The following CTNNA2 variants were observed in gnomAD, a reference collection of about 807,000 sequenced individuals.
CTNNA2 encodes catenin alpha 2, also known as catenin alpha-2.
In CTNNA2, 42 loss-of-function variants were observed where a neutral mutation model predicts 101.0. That is an observed-to-expected ratio of 0.42 (90% CI 0.32 to 0.54). The LOEUF (loss-of-function observed/expected upper bound fraction) is 0.54, where lower values mean the gene tolerates loss of function less well. Among genes scored for constraint, CTNNA2 ranks in the 20% least tolerant of loss-of-function variants. The pLI is 0.14. For synonymous variants in CTNNA2, 450 were observed against 456.4 expected (o/e 0.99, Z 0.18); for missense variants, 871 against 1,223.1 (o/e 0.71, Z 4.29).
intron 1 of CTNNA2, among the ~76,000 whole-genome samples, chr2:79,193,995 A>T (rs1338462565): frequency 1.3e-5 from 2 of 152,152 alleles, no homozygotes; most frequent in African/African-American, 4.8e-5. Flanking sequence ...ATATTTTGCT[A>T]TTTTTATATG....
chr2:79,185,824 G>C (rs1673770285), intron 1 of CTNNA2, among the ~76,000 whole-genome samples: 1 of 152,076 alleles, frequency 6.6e-6, no homozygotes, highest in Non-Finnish European at 1.5e-5. Flanking sequence ...TCTGATTTGG[G>C]AACAGGGGAA....
intron 7 of CTNNA2, among the ~76,000 whole-genome samples, chr2:80,155,783 G>A (rs954474508): frequency 4.6e-5 from 7 of 151,808 alleles, no homozygotes; most frequent in African/African-American, 7.3e-5. Context: ...AAATTCTATT[G>A]GCATTTTTTC....
intron 7 of CTNNA2, among the ~76,000 whole-genome samples, chr2:80,088,696 G>A (rs1699595050): frequency 1.3e-5 from 2 of 152,080 alleles, no homozygotes; most frequent in South Asian, 2.1e-4. Flanking sequence ...TGCTCAATTG[G>A]TATTTGTTCA....
chr2:79,954,860 C>G (rs1259980655), intron 7 of CTNNA2, among the ~76,000 whole-genome samples: 2 of 152,052 alleles, frequency 1.3e-5, no homozygotes, highest in East Asian at 3.9e-4. Flanking sequence ...ATGAGGTAGA[C>G]AAAGGCATGA....
intron 7 of CTNNA2, among the ~76,000 whole-genome samples, chr2:80,385,944 G>A (rs1205286957): frequency 6.6e-6 from 1 of 152,156 alleles, no homozygotes; most frequent in Non-Finnish European, 1.5e-5. Context: ...TGCCCACAGA[G>A]TCTTGGTTGG....
intron 3 of CTNNA2, among the ~76,000 whole-genome samples, chr2:79,796,134 C>A (rs1431044127): frequency 1.3e-5 from 2 of 152,148 alleles, no homozygotes; most frequent in Non-Finnish European, 2.9e-5. Flanking sequence ...ACTTGGGGTA[C>A]TATAAAGGGG....
At chr2:79,810,168 A>T (rs1375630935) in intron 3 of CTNNA2, among the ~76,000 whole-genome samples, 3 of 152,158 alleles carry the variant, frequency 2.0e-5, no homozygotes, top group Non-Finnish European at 2.9e-5. Context: ...CATGCTGCTG[A>T]TAAAGACATA....
chr2:79,821,945 TAAC>T (rs534305043), intron 3 of CTNNA2, among the ~76,000 whole-genome samples: 3 of 152,206 alleles, frequency 2.0e-5, no homozygotes, highest in Non-Finnish European at 4.4e-5. Flanking sequence ...TAGCAATGGT[TAAC>T]AAAATCCTTG....
intron 3 of CTNNA2, among the ~76,000 whole-genome samples, chr2:79,806,427 T>C (rs1033538594): frequency 6.6e-6 from 1 of 152,088 alleles, no homozygotes; most frequent in African/African-American, 2.4e-5. Context: ...ATGAATAAAA[T>C]AGAGAATGAA....
chr2:79,325,689 T>A (rs191331451), intron 3 of CTNNA2, among the ~76,000 whole-genome samples: 7 of 152,334 alleles, frequency 4.6e-5, no homozygotes, highest in Non-Finnish European at 1.0e-4. Context: ...CAGCATCACC[T>A]TCTCCATCCA....
chr2:79,898,547 C>T (rs1558623551), intron 6 of CTNNA2, among the ~76,000 whole-genome samples: 1 of 152,136 alleles, frequency 6.6e-6, no homozygotes, highest in Admixed American at 6.5e-5. Context: ...CACTGTGTGG[C>T]CTTCATCAAG....
At chr2:80,446,975 G>T (rs953825843) in intron 9 of CTNNA2, among the ~76,000 whole-genome samples, 1 of 151,874 alleles carries the variant, frequency 6.6e-6, no homozygotes, top group Non-Finnish European at 1.5e-5. Context: ...ATTTCTTAAC[G>T]TGCACTCCAA....
intron 7 of CTNNA2, among the ~76,000 whole-genome samples, chr2:80,085,491 A>G (rs535950829): frequency 1.3e-5 from 2 of 152,248 alleles, no homozygotes; most frequent in Non-Finnish European, 2.9e-5. Flanking sequence ...CACAAGAGAT[A>G]AATTATGGGG....
intron 3 of CTNNA2, among the ~76,000 whole-genome samples, chr2:79,350,714 C>T (rs1677367373): frequency 6.6e-6 from 1 of 152,160 alleles, no homozygotes; most frequent in Admixed American, 6.5e-5. Flanking sequence ...AATCTCCATA[C>T]TGTTTTCCAT....
chr2:79,322,155 G>A lies in CTNNA2; in HGVS notation c.-318+9359G>A, dbSNP rs1489625576. Among the ~76,000 whole-genome samples, 5 of 152,182 alleles carry A rather than the reference G, an allele frequency of 3.3e-5. No homozygotes were observed. In the East Asian group the frequency reaches 9.6e-4, roughly 29 times the overall value. ...TATCCTGGAAATGATCCCCCAGTCC[G>A]AGATTACCCTCCCGAAGGAGATGTC... On this transcript the variant is annotated intron_variant, in intron 3 of 21. Coordinates refer to the CTNNA2 transcript ENST00000466387.
intron 1 of CTNNA2, among the ~76,000 whole-genome samples, chr2:79,528,244 C>T (rs1475731241): frequency 6.6e-6 from 1 of 151,584 alleles, no homozygotes; most frequent in Non-Finnish European, 1.5e-5. Flanking sequence ...GACAGGGTCT[C>T]ACTGTGTTGC....
At chr2:79,632,865 G>A (rs1679786794) in intron 1 of CTNNA2, among the ~76,000 whole-genome samples, 1 of 152,182 alleles carries the variant, frequency 6.6e-6, no homozygotes, top group Non-Finnish European at 1.5e-5. Context: ...TTTCATATGT[G>A]TGGGCCATAC....
rs367944628 is a variant in CTNNA2 at position 80,167,728 on chromosome 2, T to C, written c.1057-225483T>C. Among the ~76,000 whole-genome samples the C allele has an allele frequency of 2.6e-5, 4 of 152,342 alleles. No homozygotes were observed. The East Asian group carries it at 7.7e-4, about 29-fold the overall frequency. On this transcript the variant is annotated intron_variant, in intron 7 of 18. Transcript: ENST00000402739. ...GGCCATATTCAGAATTTGTCTTGAA[T>C]GGTTATCAGGAATTAGTTGTAATGC...
chr2:80,520,741 T>TA (rs1689475521), intron 9 of CTNNA2, among the ~76,000 whole-genome samples: 1 of 152,172 alleles, frequency 6.6e-6, no homozygotes, highest in South Asian at 2.1e-4. Flanking sequence ...GGTTTCCACA[T>TA]ACTAATTTTG....
Sources: allele counts gnomAD v4.1 joint callset (sites outside exome capture counted in the v4.1 genomes callset), GRCh38; gene constraint gnomAD v4.1.1; transcripts MANE v1.5; gene names NCBI Gene and HGNC (gene_info 2026-07-23, HGNC 2026-07-21).